Variants in FHOD3 observed in about 807,000 individuals in gnomAD.
The protein encoded by FHOD3 is formin homology 2 domain containing 3, also known as FH1/FH2 domain-containing protein 3.
In FHOD3, 90 loss-of-function variants were observed where a neutral mutation model predicts 173.0. That is an observed-to-expected ratio of 0.52 (90% CI 0.44 to 0.62). FHOD3 has a LOEUF of 0.62. FHOD3 is among the 20% of genes least tolerant of loss of function. FHOD3 has a pLI of 0.00. For missense variants in FHOD3, 1,945 were observed against 2,034.7 expected, an observed-to-expected ratio of 0.96 and a Z score of 0.85; for synonymous variants, 828 against 823.0, an observed-to-expected ratio of 1.01 and a Z score of -0.10.
At chr18:36,299,163 T>C (rs1055435040) in intron 1 of FHOD3, among the ~76,000 whole-genome samples, 4 of 152,204 alleles carry the variant, frequency 2.6e-5, no homozygotes, top group Non-Finnish European at 5.9e-5. Context: ...TTCCTCTCTA[T>C]TAATGTATCA....
intron 4 of FHOD3, among the ~76,000 whole-genome samples, chr18:36,507,655 C>T (rs1352661801): frequency 6.6e-6 from 1 of 152,332 alleles, no homozygotes; most frequent in African/African-American, 2.4e-5. Flanking sequence ...TCTCTGTCTT[C>T]AGTCTTTCCT....
At chr18:36,611,404 A>C (rs2032660561) in intron 8 of FHOD3, among the ~76,000 whole-genome samples, 1 of 152,118 alleles carries the variant, frequency 6.6e-6, no homozygotes, top group Non-Finnish European at 1.5e-5. Flanking sequence ...GTCGCCCAGG[A>C]CTGAAGTCTC....
chr18:36,525,928 T>A (rs888379314), intron 5 of FHOD3, among the ~76,000 whole-genome samples: 1 of 152,244 alleles, frequency 6.6e-6, no homozygotes, highest in Non-Finnish European at 1.5e-5. Context: ...TATGCCAGCA[T>A]CATGAGAGAA....
At chr18:36,738,833 AG>A (rs1361644242) in intron 20 of FHOD3, among the ~76,000 whole-genome samples, 2 of 152,162 alleles carry the variant, frequency 1.3e-5, no homozygotes, top group African/African-American at 4.8e-5. Flanking sequence ...TAATTACTAT[AG>A]CTTTTTATTT....
chr18:36,758,991 G>A (rs1600591603), intron 25 of FHOD3, 127 bp from the exon 26 acceptor site: 1 of 1,011,536 alleles, frequency 9.9e-7, no homozygotes, highest in Admixed American at 2.0e-5. Flanking sequence ...ATGTATCCTG[G>A]TTGTGGTGAC....
chr18:36,335,720 G>A (rs1226913418), intron 1 of FHOD3, among the ~76,000 whole-genome samples: 7 of 152,126 alleles, frequency 4.6e-5, no homozygotes, highest in Non-Finnish European at 1.0e-4. Context: ...TGTCCAGCTT[G>A]CCTCATACGG....
intron 18 of FHOD3, among the ~76,000 whole-genome samples, chr18:36,717,321 C>T (rs906523212): frequency 6.6e-6 from 1 of 152,020 alleles, no homozygotes; most frequent in Non-Finnish European, 1.5e-5. Context: ...GACTAGGGAC[C>T]GTGATAAGGA....
At chr18:36,698,096 GT>G (rs2039388393) in intron 17 of FHOD3, among the ~76,000 whole-genome samples, 1 of 152,180 alleles carries the variant, frequency 6.6e-6, no homozygotes, top group South Asian at 2.1e-4. Context: ...CCAGTTCAGT[GT>G]TTCATGAATT....
chr18:36,651,584 C>T (rs1212730391), intron 11 of FHOD3, among the ~76,000 whole-genome samples: 1 of 152,082 alleles, frequency 6.6e-6, no homozygotes, highest in Non-Finnish European at 1.5e-5. Context: ...GAAACCTCAT[C>T]TCTACTAAAA....
At chr18:36,576,610 T>C in intron 6 of FHOD3, 65 bp downstream of exon 6, 1 of 1,330,724 alleles carries the variant, frequency 7.5e-7, no homozygotes, top group Non-Finnish European at 1.1e-6. Flanking sequence ...CTTTTTTCTC[T>C]GAGTCAGTTT....
intron 28 of FHOD3, among the ~76,000 whole-genome samples, chr18:36,771,915 G>T (rs2043401552): frequency 6.6e-6 from 1 of 152,200 alleles, no homozygotes; most frequent in East Asian, 1.9e-4. Context: ...GGTCCTTGGA[G>T]GCCCAGAGCA....
intron 5 of FHOD3, among the ~76,000 whole-genome samples, chr18:36,561,987 TATTGTATTG>T (rs2058099856): frequency 6.6e-6 from 1 of 150,930 alleles, no homozygotes; most frequent in African/African-American, 2.4e-5. Context: ...TATTGTATTG[TATTGTATTG>T]TATTGTATTG....
chr18:36,599,340 A>C (rs533174106), intron 7 of FHOD3, among the ~76,000 whole-genome samples: 1 of 152,246 alleles, frequency 6.6e-6, no homozygotes, highest in Non-Finnish European at 1.5e-5. Context: ...ATTCTTAAAC[A>C]TAAGAATTCC....
At chr18:36,446,313 A>C (rs1281947012) in intron 3 of FHOD3, among the ~76,000 whole-genome samples, 1 of 152,134 alleles carries the variant, frequency 6.6e-6, no homozygotes, top group Non-Finnish European at 1.5e-5. Context: ...TGAAATCACC[A>C]GCAACGTGAG....
At chr18:36,311,915 T>C (rs1480370854) in intron 1 of FHOD3, among the ~76,000 whole-genome samples, 1 of 152,150 alleles carries the variant, frequency 6.6e-6, no homozygotes. Flanking sequence ...GATCCTCCCA[T>C]TAGCATTTAG....
chr18:36,507,732 C>T (rs1012411163), intron 4 of FHOD3, among the ~76,000 whole-genome samples: 19 of 152,170 alleles, frequency 1.2e-4, no homozygotes, highest in South Asian at 2.1e-4. Context: ...AGAGTATCCA[C>T]GTGTGTCTTC....
At chr18:36,460,878 C>T (rs2052507876) in intron 3 of FHOD3, among the ~76,000 whole-genome samples, 2 of 152,130 alleles carry the variant, frequency 1.3e-5, no homozygotes, top group Admixed American at 1.3e-4. Context: ...CCTACATGCT[C>T]CTGCTCCCCC....
chr18:36,734,680 C>T (rs867108996), intron 20 of FHOD3, among the ~76,000 whole-genome samples: 1 of 152,190 alleles, frequency 6.6e-6, no homozygotes, highest in African/African-American at 2.4e-5. Flanking sequence ...GTTCTCTAGG[C>T]TTGTTCAAGA....
intron 1 of FHOD3, 115 bp downstream of exon 1, chr18:36,298,115 G>T: frequency 1.0e-6 from 1 of 964,450 alleles, no homozygotes; most frequent in Non-Finnish European, 1.4e-6. Context: ...CGCGGCCCGG[G>T]GGGACCATCG....
Sources: allele counts gnomAD v4.1 joint callset (sites outside exome capture counted in the v4.1 genomes callset), GRCh38; gene constraint gnomAD v4.1.1; transcripts MANE v1.5; gene names NCBI Gene and HGNC (gene_info 2026-07-23, HGNC 2026-07-21).